PTPRD: variants seen among roughly 807,000 people sequenced by gnomAD.
PTPRD encodes the protein receptor-type tyrosine-protein phosphatase delta.
In PTPRD, 34 loss-of-function variants were observed where a neutral mutation model predicts 214.5. The observed-to-expected ratio is 0.16, with a 90% confidence interval of 0.12 to 0.21. The LOEUF (loss-of-function observed/expected upper bound fraction) is 0.21, where lower values mean the gene tolerates loss of function less well. Among genes scored for constraint, PTPRD ranks in the 10% least tolerant of loss-of-function variants. The probability of loss-of-function intolerance (pLI) is 1.00; values close to 1 mark genes in which losing one functional copy is unlikely to be tolerated. For missense variants in PTPRD, 2,545 were observed against 2,398.7 expected (o/e 1.06, Z -1.27); for synonymous variants, 1,128 against 845.7 (o/e 1.33, Z -5.79).
chr9:9,519,912 T>C (rs2096925282), intron 8 of PTPRD, among the ~76,000 whole-genome samples: 1 of 152,038 alleles, frequency 6.6e-6, no homozygotes, highest in Non-Finnish European at 1.5e-5. Context: ...GATGATCACA[T>C]CTTATAAAGT....
chr9:8,576,199 G>A (rs935141691), intron 14 of PTPRD, among the ~76,000 whole-genome samples: 5 of 152,038 alleles, frequency 3.3e-5, no homozygotes, highest in Non-Finnish European at 5.9e-5. Flanking sequence ...TGTTGGCATA[G>A]AATACCTGCA....
intron 8 of PTPRD, among the ~76,000 whole-genome samples, chr9:9,440,167 G>A (rs2890868): frequency 0.62 from 94,874 of 151,988 alleles, 29,861 homozygotes; most frequent in African/African-American, 0.71. Context: ...TCTCATGGAG[G>A]ATAGAAGTAA....
intron 14 of PTPRD, among the ~76,000 whole-genome samples, chr9:8,591,362 C>T (rs2094093605): frequency 6.6e-6 from 1 of 152,130 alleles, no homozygotes; most frequent in Non-Finnish European, 1.5e-5. Context: ...TTTGCTCCTG[C>T]CTGTGAATGG....
At chr9:9,092,888 T>G (rs1014846196) in intron 10 of PTPRD, among the ~76,000 whole-genome samples, 1 of 151,808 alleles carries the variant, frequency 6.6e-6, no homozygotes, top group African/African-American at 2.4e-5. Context: ...ATACAGAAAT[T>G]TTCAGATTTT....
Position 8,454,988 on chromosome 9 carries a change from A to T in PTPRD, c.3876-5151T>A, listed in dbSNP as rs372326865. Among the ~76,000 whole-genome samples, 4 of 152,358 alleles carry T rather than the reference A, an allele frequency of 2.6e-5. No homozygotes were observed. The East Asian group carries it at 7.7e-4, about 29-fold the overall frequency. Reference sequence around the variant, plus strand: ...AAACTAATGTACTCAATGGGAATACAGCATCATTCCATAAAAGAAATTCGT... The same window carrying T: ...AAACTAATGTACTCAATGGGAATACTGCATCATTCCATAAAAGAAATTCGT... On this transcript the variant is annotated intron_variant, in intron 33 of 45. Transcript: ENST00000381196.
intron 14 of PTPRD, among the ~76,000 whole-genome samples, chr9:8,574,127 C>T (rs2091859740): frequency 6.6e-6 from 1 of 151,898 alleles, no homozygotes; most frequent in African/African-American, 2.4e-5. Flanking sequence ...CTGCACGGAA[C>T]ATGCTATGCC....
chr9:9,865,246 C>T (rs1037281973), intron 5 of PTPRD, among the ~76,000 whole-genome samples: 2 of 152,200 alleles, frequency 1.3e-5, no homozygotes, highest in African/African-American at 4.8e-5. Flanking sequence ...GTTTAAACGT[C>T]CCTTCCAAAA....
intron 36 of PTPRD, among the ~76,000 whole-genome samples, chr9:8,399,554 A>C (rs1268931594): frequency 6.7e-6 from 1 of 148,836 alleles, no homozygotes; most frequent in Non-Finnish European, 1.5e-5. Flanking sequence ...AAAACGTGAG[A>C]TTAAACAAAC....
chr9:9,804,896 G>A (rs1421374735), intron 5 of PTPRD, among the ~76,000 whole-genome samples: 2 of 151,596 alleles, frequency 1.3e-5, no homozygotes, highest in South Asian at 2.1e-4. Context: ...TCCTTGTTAA[G>A]TATTATAATT....
At chr9:10,396,627 T>G (rs1490496953) in intron 2 of PTPRD, among the ~76,000 whole-genome samples, 1 of 152,002 alleles carries the variant, frequency 6.6e-6, no homozygotes, top group Non-Finnish European at 1.5e-5. Context: ...CTTAGACACC[T>G]AGTAAAAGAT....
At chr9:9,593,855 C>A (rs900866088) in intron 7 of PTPRD, among the ~76,000 whole-genome samples, 2 of 151,984 alleles carry the variant, frequency 1.3e-5, no homozygotes, top group African/African-American at 4.8e-5. Flanking sequence ...ACTAATTGTG[C>A]AGAAGGAGTG....
chr9:10,025,366 A>G (rs1019942108), intron 4 of PTPRD, among the ~76,000 whole-genome samples: 6 of 152,136 alleles, frequency 3.9e-5, no homozygotes, highest in Non-Finnish European at 5.9e-5. Context: ...CACATTTCCA[A>G]TGTCCAATTT....
intron 39 of PTPRD, among the ~76,000 whole-genome samples, chr9:8,363,365 G>GA (rs753787859): frequency 6.6e-6 from 1 of 152,102 alleles, no homozygotes; most frequent in Non-Finnish European, 1.5e-5. Flanking sequence ...GCAGTGAAGG[G>GA]AAAAATCACA....
At chr9:10,080,688 T>C (rs554875518) in intron 3 of PTPRD, among the ~76,000 whole-genome samples, 1 of 152,128 alleles carries the variant, frequency 6.6e-6, no homozygotes, top group African/African-American at 2.4e-5. Flanking sequence ...TTGTATATAT[T>C]TCAAAAAATG....
intron 10 of PTPRD, among the ~76,000 whole-genome samples, chr9:9,145,023 T>C (rs551769191): frequency 3.3e-5 from 5 of 152,356 alleles, no homozygotes; most frequent in South Asian, 4.1e-4. Flanking sequence ...AAGGGGATAG[T>C]TGTGATTTGC....
intron 10 of PTPRD, among the ~76,000 whole-genome samples, chr9:9,069,160 A>G (rs1005953076): frequency 1.4e-4 from 22 of 152,342 alleles, no homozygotes; most frequent in South Asian, 6.2e-4. Flanking sequence ...GGAACTTTAA[A>G]TTCCCAAGAC....
chr9:9,091,601 T>C (rs1330997395), intron 10 of PTPRD, among the ~76,000 whole-genome samples: 1 of 152,184 alleles, frequency 6.6e-6, no homozygotes, highest in African/African-American at 2.4e-5. Flanking sequence ...GGACAGTGCC[T>C]AACACACTCA....
intron 3 of PTPRD, among the ~76,000 whole-genome samples, chr9:10,225,234 A>AAAATAGAAT (rs2099585006): frequency 6.6e-6 from 1 of 151,960 alleles, no homozygotes; most frequent in South Asian, 2.1e-4. Context: ...TTTATTTTAA[A>AAAATAGAAT]AAATAGAATA....
At chr9:10,213,941 G>T (rs1300811215) in intron 3 of PTPRD, among the ~76,000 whole-genome samples, 1 of 151,822 alleles carries the variant, frequency 6.6e-6, no homozygotes, top group Non-Finnish European at 1.5e-5. Context: ...CATATTGCTG[G>T]GAAGAAAAAA....
Sources: gnomAD v4.1 joint callset for allele counts (sites outside exome capture counted in the v4.1 genomes callset) on GRCh38, gnomAD v4.1.1 for gene constraint, MANE v1.5 for transcripts, NCBI Gene and HGNC (gene_info 2026-07-23, HGNC 2026-07-21) for gene names.